Variants in CFAP70 observed in about 807,000 individuals in gnomAD.
CFAP70 encodes cilia and flagella associated protein 70.
A neutral mutation model predicts 137.6 loss-of-function variants in CFAP70; 81 were observed. That is an observed-to-expected ratio of 0.59 (90% CI 0.49 to 0.71). CFAP70 has a LOEUF of 0.71. Ranked by LOEUF, CFAP70 falls within the 30% of genes least tolerant of loss-of-function variation. The pLI is 0.00. For missense variants in CFAP70, 976 were observed against 1,226.7 expected, an observed-to-expected ratio of 0.80 and a Z score of 3.05; for synonymous variants, 382 against 423.6, an observed-to-expected ratio of 0.90 and a Z score of 1.20.
chr10:73,316,495 T>TAG (rs895439746), intron 9 of CFAP70, among the ~76,000 whole-genome samples: 13 of 132,670 alleles, frequency 9.8e-5, no homozygotes, highest in African/African-American at 1.2e-4. Context: ...TAGATATATA[T>TAG]ATATATATAT....
At chr10:73,345,351 G>C (rs757983659) in intron 4 of CFAP70, 107 bp from the exon 6 acceptor site, 1 of 1,007,970 alleles carries the variant, frequency 9.9e-7, no homozygotes, top group African/African-American at 1.6e-5. Context: ...AGAAGGTAAA[G>C]CTTAATTATT....
At chr10:73,269,769 A>G (rs2046086113) in intron 24 of CFAP70, 54 bp from the exon 26 acceptor site, 4 of 1,056,382 alleles carry the variant, frequency 3.8e-6, no homozygotes, top group Non-Finnish European at 5.9e-6. Flanking sequence ...ACTATGTCCC[A>G]ATAATACTGG....
At chr10:73,335,370 C>A in intron 7 of CFAP70, 60 bp downstream of exon 8, 1 of 1,074,240 alleles carries the variant, frequency 9.3e-7, no homozygotes, top group South Asian at 1.5e-5. Context: ...ACAAAAGTAA[C>A]ATTTCTTCCC....
At chr10:73,256,277 A>G in intron 26 of CFAP70, 92 bp downstream of exon 27, 1 of 1,424,864 alleles carries the variant, frequency 7.0e-7, no homozygotes, top group Non-Finnish European at 9.8e-7. Flanking sequence ...AAATATTCAC[A>G]TTATGAAAGT....
Position 73,311,815 on chromosome 10 carries a change from A to C in CFAP70, c.1164+19T>G. 2 of 1,597,754 alleles carry C rather than the reference A, an allele frequency of 1.3e-6. No individual in the cohort carries two copies. Among genetic ancestry groups the C allele is most frequent in the East Asian group, 2.2e-5 (1 of 44,724 alleles). On this transcript the variant is annotated intron_variant, in intron 11 of 26. Transcript: ENST00000310715. ...CTGGTTAACTTAAACTTAATTTTCC[A>C]AACTTCATGCACAATTACCTGTCCT...
intron 5 of CFAP70, 139 bp downstream of exon 6, chr10:73,344,926 C>G: frequency 1.8e-6 from 1 of 554,286 alleles, no homozygotes. Flanking sequence ...TAGAAATAAA[C>G]TGTATTTTTC....
In CFAP70 at chr10:73,335,551, C is replaced by T. The variant is rs11000611; in HGVS notation, c.583-27G>A. ...TGTAAAATATAAATACTTCTGTTCT[C>T]GGTATGTGTGCCATGACTTCATTCT... On this transcript the variant is annotated intron_variant, in intron 6 of 26. Coordinates refer to ENST00000310715, the Ensembl canonical transcript of CFAP70. 2.7e-3 allele frequency: 4,188 copies of T among 1,542,370 alleles called. 61 individuals carry two copies. The African/African-American group carries it at 0.035, about 13-fold the overall frequency.
At chr10:73,350,336 A>G (rs2054087378) in intron 3 of CFAP70, among the ~76,000 whole-genome samples, 1 of 134,842 alleles carries the variant, frequency 7.4e-6, no homozygotes, top group Admixed American at 7.2e-5. Context: ...AAACTCTGTG[A>G]CCTTTGTAAC....
At chr10:73,292,004 C>A (rs774066061) in exon 17 of CFAP70, 2 of 1,614,028 alleles carry the variant, frequency 1.2e-6, no homozygotes, top group Non-Finnish European at 1.7e-6. Flanking sequence ...CTGGGGCTCA[C>A]GGACCAATCT....
At chr10:73,322,740 C>T (rs545118187) in intron 9 of CFAP70, among the ~76,000 whole-genome samples, 1 of 152,090 alleles carries the variant, frequency 6.6e-6, no homozygotes, top group Non-Finnish European at 1.5e-5. Context: ...TCTGTGTTCT[C>T]TGTTCACCTG....
intron 3 of CFAP70, among the ~76,000 whole-genome samples, chr10:73,351,071 G>GTGTGTGTATATA (rs1422420902): frequency 3.2e-5 from 1 of 31,382 alleles, no homozygotes; most frequent in Non-Finnish European, 6.7e-5. Flanking sequence ...GTGTGTGTGT[G>GTGTGTGTATATA]TATATATATA....
chr10:73,348,217 G>A, intron 4 of CFAP70: 3 of 1,614,190 alleles, frequency 1.9e-6, no homozygotes, highest in Non-Finnish European at 2.5e-6. Context: ...TGGAACTGTT[G>A]TTTGAAATGA....
intron 25 of CFAP70, among the ~76,000 whole-genome samples, chr10:73,258,519 G>A (rs530937630): frequency 1.3e-5 from 2 of 152,222 alleles, no homozygotes; most frequent in Non-Finnish European, 2.9e-5. Context: ...TGTAGAGCAC[G>A]TGTGTTTGAA....
upstream of CFAP70, among the ~76,000 whole-genome samples, chr10:73,361,355 T>C (rs1247352532): frequency 6.7e-6 from 1 of 149,976 alleles, no homozygotes; most frequent in Non-Finnish European, 1.5e-5. Context: ...TGGCATGATA[T>C]GATCTCGGCT....
intron 8 of CFAP70, among the ~76,000 whole-genome samples, chr10:73,326,677 T>A (rs2051469446): frequency 6.6e-6 from 1 of 151,982 alleles, no homozygotes; most frequent in Admixed American, 6.6e-5. Context: ...CCCACAGAGA[T>A]ACAAACTACC....
At position 73,343,770 on chromosome 10, in the gene CFAP70, A is replaced by G. The variant is rs146051777; in HGVS notation, c.399+1295T>C. Among the ~76,000 whole-genome samples, 983 of 152,274 alleles carry G rather than the reference A, an allele frequency of 6.5e-3. 11 individuals are homozygous for G. The highest frequency in any genetic ancestry group is 0.023 in the African/African-American group (938 of 41,542). On this transcript the variant is annotated intron_variant, in intron 5 of 26. Coordinates refer to ENST00000310715, the Ensembl canonical transcript of CFAP70. ...CTGGTAGGGCAACCTTTCATAAAACATCAGAATAAAGGAGCCCTTTTCAAG... is the reference window on the plus strand; with the variant it reads ...CTGGTAGGGCAACCTTTCATAAAACGTCAGAATAAAGGAGCCCTTTTCAAG...
At chr10:73,337,164 C>T (rs2052748988) in intron 6 of CFAP70, among the ~76,000 whole-genome samples, 1 of 152,098 alleles carries the variant, frequency 6.6e-6, no homozygotes, top group Non-Finnish European at 1.5e-5. Flanking sequence ...TATGATTAAA[C>T]ACCTTATACA....
intron 1 of CFAP70, among the ~76,000 whole-genome samples, chr10:73,356,192 A>C (rs1333108122): frequency 6.7e-6 from 1 of 149,616 alleles, no homozygotes; most frequent in Non-Finnish European, 1.5e-5. Flanking sequence ...AAGGTCTTTT[A>C]TCTCTCCTTC....
At chr10:73,277,170 A>G in intron 21 of CFAP70, 70 bp downstream of exon 22, 4 of 1,481,562 alleles carry the variant, frequency 2.7e-6, no homozygotes, top group Non-Finnish European at 3.6e-6. Context: ...CTTGAAAGAT[A>G]CCATTATGGA....
Sources: gnomAD v4.1 joint callset for allele counts (sites outside exome capture counted in the v4.1 genomes callset) on GRCh38, gnomAD v4.1.1 for gene constraint, MANE v1.5 for transcripts, NCBI Gene and HGNC (gene_info 2026-07-23, HGNC 2026-07-21) for gene names.